Variants in ARHGAP22 observed in about 807,000 individuals in gnomAD.
The protein encoded by ARHGAP22 is Rho GTPase activating protein 22, also known as rho GTPase-activating protein 22.
In ARHGAP22, 48 loss-of-function variants were observed where a neutral mutation model predicts 59.1. That is an observed-to-expected ratio of 0.81 (90% confidence interval 0.64 to 1.03). The LOEUF is 1.03. Among genes scored for constraint, ARHGAP22 ranks in the 50% least tolerant of loss-of-function variants. The pLI is 0.00. For missense variants in ARHGAP22, 1,015 were observed against 958.7 expected, an observed-to-expected ratio of 1.06 and a Z score of -0.78; for synonymous variants, 445 against 416.4, an observed-to-expected ratio of 1.07 and a Z score of -0.84.
At chr10:48,618,545 G>A (rs2061170202) in intron 1 of ARHGAP22, among the ~76,000 whole-genome samples, 1 of 151,992 alleles carries the variant, frequency 6.6e-6, no homozygotes. Context: ...TTCAACATAT[G>A]CAAATCAATA....
intron 3 of ARHGAP22, among the ~76,000 whole-genome samples, chr10:48,525,094 T>C (rs1346688911): frequency 2.6e-5 from 4 of 152,194 alleles, no homozygotes; most frequent in African/African-American, 9.6e-5. Flanking sequence ...GCAATCACCT[T>C]GGAAGGTAAC....
intron 4 of ARHGAP22, chr10:48,466,756 C>A: frequency 6.6e-6 from 1 of 151,100 alleles, no homozygotes; most frequent in South Asian, 2.0e-4. Flanking sequence ...CCCGCCCGCC[C>A]CGGCCAGCGC....
At chr10:48,635,854 G>A (rs1231775296) in intron 1 of ARHGAP22, among the ~76,000 whole-genome samples, 1 of 152,224 alleles carries the variant, frequency 6.6e-6, no homozygotes, top group East Asian at 1.9e-4. Context: ...GGCTGGGGAA[G>A]CAGGATGGAA....
intron 1 of ARHGAP22, among the ~76,000 whole-genome samples, chr10:48,625,748 C>A (rs540231798): frequency 1.3e-5 from 2 of 149,142 alleles, no homozygotes; most frequent in East Asian, 4.0e-4. Flanking sequence ...ACCTGCTTTG[C>A]TGGGCTTTCC....
At chr10:48,609,159 G>A (rs958411474), upstream of ARHGAP22, among the ~76,000 whole-genome samples, 9 of 152,104 alleles carry the variant, frequency 5.9e-5, no homozygotes, top group Non-Finnish European at 1.0e-4. Flanking sequence ...GCACACCTCT[G>A]GCCCATTTCC....
At chr10:48,496,240 T>C (rs934343513) in intron 3 of ARHGAP22, among the ~76,000 whole-genome samples, 2 of 152,120 alleles carry the variant, frequency 1.3e-5, no homozygotes, top group Non-Finnish European at 2.9e-5. Flanking sequence ...TTATGGTCGG[T>C]TGTCTTCAGA....
At chr10:48,506,104 G>A (rs1461643003) in intron 3 of ARHGAP22, among the ~76,000 whole-genome samples, 1 of 152,200 alleles carries the variant, frequency 6.6e-6, no homozygotes, top group African/African-American at 2.4e-5. Context: ...CTCGGCAGCT[G>A]GGTGGGACCT....
At chr10:48,556,733 C>A (rs1163271597) in intron 2 of ARHGAP22, 7 of 152,186 alleles carry the variant, frequency 4.6e-5, no homozygotes, top group African/African-American at 1.7e-4. Context: ...ACAGTGAGAA[C>A]TGTGTAAGTG....
chr10:48,503,612 G>C (rs2051766572), intron 3 of ARHGAP22, among the ~76,000 whole-genome samples: 1 of 152,232 alleles, frequency 6.6e-6, no homozygotes, highest in African/African-American at 2.4e-5. Flanking sequence ...TTATCCCGCT[G>C]TCCTTCCCTA....
chr10:48,459,969 G>A (rs530869298), intron 4 of ARHGAP22, 78 bp from the exon 5 acceptor site: 32 of 1,406,200 alleles, frequency 2.3e-5, no homozygotes, highest in South Asian at 5.2e-5. Context: ...GAGGGCAGGC[G>A]CACTGTTAGG....
At chr10:48,509,651 G>T (rs572518726) in intron 3 of ARHGAP22, among the ~76,000 whole-genome samples, 1 of 152,076 alleles carries the variant, frequency 6.6e-6, no homozygotes, top group African/African-American at 2.4e-5. Flanking sequence ...CCCCAGACTC[G>T]CTGGGCCCTC....
At chr10:48,572,667 C>A (rs1051420678) in intron 2 of ARHGAP22, among the ~76,000 whole-genome samples, 1 of 152,200 alleles carries the variant, frequency 6.6e-6, no homozygotes, top group African/African-American at 2.4e-5. Context: ...CTGTTCAGGA[C>A]AAATTCCTGC....
At chr10:48,520,980 AT>A (rs889299919) in intron 3 of ARHGAP22, among the ~76,000 whole-genome samples, 3 of 152,164 alleles carry the variant, frequency 2.0e-5, no homozygotes, top group African/African-American at 7.2e-5. Context: ...GCTGAAGAAA[AT>A]GAAATTTGCC....
chr10:48,446,304 G>C lies in ARHGAP22; in HGVS notation c.*87C>G, dbSNP rs377153054. On this transcript the variant is annotated 3_prime_UTR_variant, in exon 10 of 10. Transcript: ENST00000249601. ...CTCTCCAGCTGGCTCCAGAGCGCCT[G>C]GCTGCTCCAGAGATACAGACGCTTC... is the stretch of plus-strand genomic sequence containing the variant. The C allele has an allele frequency of 1.3e-5, 19 of 1,452,564 alleles. No individual in the cohort carries two copies. The highest frequency in any genetic ancestry group is 1.8e-5 in the Non-Finnish European group (19 of 1,060,558). The allele number at this position is 1,452,564 out of a possible 1,614,324, so 90.0% of individuals were successfully genotyped here.
At chr10:48,433,940 G>T in the ARHGAP22 span, among the ~76,000 whole-genome samples, 1 of 152,124 alleles carries the variant, frequency 6.6e-6, no homozygotes, top group Non-Finnish European at 1.5e-5. Context: ...TAAGTAACTT[G>T]CATTATTCCA....
the ARHGAP22 span, among the ~76,000 whole-genome samples, chr10:48,431,491 C>T: frequency 6.6e-6 from 1 of 152,148 alleles, no homozygotes; most frequent in African/African-American, 2.4e-5. Flanking sequence ...TACTGACATT[C>T]TGAAGAACAG....
intron 2 of ARHGAP22, among the ~76,000 whole-genome samples, chr10:48,564,021 T>C (rs1838578): frequency 0.13 from 19,894 of 152,210 alleles, 2,454 homozygotes; most frequent in African/African-American, 0.33. Context: ...CGGTCAGTAC[T>C]TAATGACCAT....
chr10:48,481,540 AG>A (rs943190240), intron 3 of ARHGAP22, among the ~76,000 whole-genome samples: 1 of 152,074 alleles, frequency 6.6e-6, no homozygotes, highest in Non-Finnish European at 1.5e-5. Context: ...GGGCCACCCA[AG>A]TCACACAAGC....
chr10:48,560,509 A>G (rs1001093846), intron 2 of ARHGAP22, among the ~76,000 whole-genome samples: 2 of 152,042 alleles, frequency 1.3e-5, no homozygotes, highest in South Asian at 4.1e-4. Flanking sequence ...TTCTTGCCTT[A>G]TTACACCAGG....
Sources: gnomAD v4.1 joint callset for allele counts (sites outside exome capture counted in the v4.1 genomes callset) on GRCh38, gnomAD v4.1.1 for gene constraint, MANE v1.5 for transcripts, NCBI Gene and HGNC (gene_info 2026-07-23, HGNC 2026-07-21) for gene names.